Variants in DYSF observed in about 807,000 individuals in gnomAD.
The protein encoded by DYSF is dystrophy-associated fer-1-like 1.
A neutral mutation model predicts 274.9 loss-of-function variants in DYSF; 212 were observed. That is an observed-to-expected ratio of 0.77 (90% CI 0.69 to 0.86). The LOEUF is 0.86. Ranked by LOEUF, DYSF falls within the 40% of genes least tolerant of loss-of-function variation. The pLI, the probability that DYSF is intolerant of heterozygous loss-of-function variation, is 0.00. For synonymous variants in DYSF, 1,091 were observed against 1,078.7 expected, an observed-to-expected ratio of 1.01 and a Z score of -0.22; for missense variants, 2,666 against 2,783.2, an observed-to-expected ratio of 0.96 and a Z score of 0.95.
intron 4 of DYSF, among the ~76,000 whole-genome samples, chr2:71,511,099 G>A (rs532559288): frequency 5.6e-4 from 86 of 152,234 alleles, no homozygotes; most frequent in African/African-American, 1.8e-3. Flanking sequence ...AGGTTGTGCC[G>A]TTCCCAGGTT....
chr2:71,493,869 A>AG (rs2084116281), intron 3 of DYSF, among the ~76,000 whole-genome samples: 1 of 150,352 alleles, frequency 6.7e-6, no homozygotes, highest in South Asian at 2.1e-4. Flanking sequence ...AAAAAAAAAA[A>AG]AAAAAGAAAG....
intron 16 of DYSF, among the ~76,000 whole-genome samples, chr2:71,538,063 G>C (rs762373875): frequency 5.9e-5 from 9 of 152,202 alleles, no homozygotes; most frequent in Non-Finnish European, 1.2e-4. Flanking sequence ...TGGTCTCCAC[G>C]TCAGCATATC....
intron 50 of DYSF, 93 bp from the exon 51 acceptor site, chr2:71,669,512 A>G (rs922066632): frequency 2.0e-6 from 3 of 1,501,646 alleles, no homozygotes; most frequent in Non-Finnish European, 2.8e-6. Flanking sequence ...AAGCTCATTT[A>G]CCTTCTTAAC....
At chr2:71,623,797 G>C (rs975059878) in intron 41 of DYSF, among the ~76,000 whole-genome samples, 31 of 152,198 alleles carry the variant, frequency 2.0e-4, no homozygotes, top group African/African-American at 5.3e-4. Flanking sequence ...CAAGCCAGGT[G>C]TGGTGGCTCT....
intron 1 of DYSF, among the ~76,000 whole-genome samples, 173 bp from the exon 2 acceptor site, chr2:71,480,710 T>C (rs1418854580): frequency 6.6e-6 from 1 of 152,174 alleles, no homozygotes; most frequent in African/African-American, 2.4e-5. Flanking sequence ...GGAAGTTGTG[T>C]GATTGGCATT....
intron 29 of DYSF, among the ~76,000 whole-genome samples, chr2:71,571,183 GCACA>G (rs548977074): frequency 3.2e-5 from 4 of 123,792 alleles, no homozygotes; most frequent in Non-Finnish European, 5.1e-5. Context: ...ATCACACCCA[GCACA>G]CACACACAGA....
Position 71,655,203 on chromosome 2 carries a change from A to G in DYSF, c.4627-959A>G, listed in dbSNP as rs1216521913. On this transcript the variant is annotated intron_variant, in intron 42 of 55. Coordinates refer to ENST00000410020, the MANE Select transcript of DYSF (RefSeq NM_001130987.2). ...AAATATTCAAAAGGACATATACCAAATGCTGATCAAATAACTAGTTATTTT... is the reference window on the plus strand; with the variant it reads ...AAATATTCAAAAGGACATATACCAAGTGCTGATCAAATAACTAGTTATTTT... Among the ~76,000 whole-genome samples the G allele has an allele frequency of 6.6e-5, 10 of 152,142 alleles. No individual in the cohort carries two copies. In the East Asian group the frequency reaches 1.7e-3, roughly 26 times the overall value.
At chr2:71,618,442 TG>T (rs2093986971) in intron 40 of DYSF, among the ~76,000 whole-genome samples, 1 of 116,216 alleles carries the variant, frequency 8.6e-6, no homozygotes, top group Admixed American at 9.6e-5. Context: ...GGGGTGTGTG[TG>T]GTAGAGGTGG....
At chr2:71,654,288 G>T (rs902635468) in intron 42 of DYSF, among the ~76,000 whole-genome samples, 8 of 152,324 alleles carry the variant, frequency 5.3e-5, no homozygotes, top group African/African-American at 1.9e-4. Context: ...GGGCACACTT[G>T]AACACTGTAG....
chr2:71,497,397 T>C (rs574043249), intron 3 of DYSF, among the ~76,000 whole-genome samples: 1 of 152,310 alleles, frequency 6.6e-6, no homozygotes, highest in African/African-American at 2.4e-5. Context: ...AATTGAATCA[T>C]GGGGACAGTT....
At chr2:71,618,891 C>T (rs1163878178) in intron 40 of DYSF, among the ~76,000 whole-genome samples, 1 of 151,346 alleles carries the variant, frequency 6.6e-6, no homozygotes, top group Non-Finnish European at 1.5e-5. Context: ...TGGGGCTGGC[C>T]GGCTCTGGGA....
At chr2:71,577,268 A>G (rs572230131) in intron 30 of DYSF, 2 of 152,876 alleles carry the variant, frequency 1.3e-5, no homozygotes, top group African/African-American at 4.9e-5. Flanking sequence ...CAACACACAC[A>G]CTCTTTCCAC....
At chr2:71,468,135 C>G (rs2081671350) in intron 1 of DYSF, among the ~76,000 whole-genome samples, 1 of 152,194 alleles carries the variant, frequency 6.6e-6, no homozygotes, top group South Asian at 2.1e-4. Flanking sequence ...TATGCAAGAG[C>G]AACTTCAAGA....
rs2152924810 is a variant in DYSF, at chr2:71,644,123, A to G, written c.4626+60A>G. On this transcript the variant is annotated intron_variant, in intron 42 of 55. Coordinates refer to ENST00000410020, the MANE Select transcript of DYSF (RefSeq NM_001130987.2). ...GTGTGCGTACTGGGCAGTGGGAGAC[A>G]CAACAGAAAGAGAGCTCATGCAGTA... 27 of 1,385,174 alleles carry G rather than the reference A, an allele frequency of 1.9e-5. 1 individual carries two copies. The South Asian group carries it at 2.9e-4, about 15-fold the overall frequency. 85.8% of individuals were successfully genotyped at this position (1,385,174 alleles called of 1,614,324 possible).
rs1196588766 is a variant in DYSF, at chr2:71,658,864, T to G, written c.4756-14T>G. On this transcript the variant is annotated splice_polypyrimidine_tract_variant and intron_variant, in intron 43 of 55. Coordinates refer to ENST00000410020, the MANE Select transcript of DYSF (RefSeq NM_001130987.2). ...TGATGATAAAAATGAAAATTAACCC[T>G]TCCTTCTTTTCAGGGCCTCTTCAAA... is the stretch of plus-strand genomic sequence containing the variant. 9 of 1,614,030 alleles carry G rather than the reference T, an allele frequency of 5.6e-6. No individual in the cohort carries two copies. Among genetic ancestry groups the G allele is most frequent in the Non-Finnish European group, 6.8e-6 (8 of 1,179,984 alleles).
intron 42 of DYSF, among the ~76,000 whole-genome samples, chr2:71,645,665 T>C (rs2094556363): frequency 6.6e-6 from 1 of 151,734 alleles, no homozygotes; most frequent in South Asian, 2.1e-4. Flanking sequence ...GCCCGGGGGA[T>C]GAAGCCCTCG....
intron 30 of DYSF, among the ~76,000 whole-genome samples, chr2:71,589,157 A>T (rs2093169833): frequency 6.6e-6 from 1 of 152,034 alleles, no homozygotes; most frequent in South Asian, 2.1e-4. Flanking sequence ...CTTCCTCCAG[A>T]GCTTGGGACC....
At chr2:71,488,768 G>C (rs1004349973) in intron 3 of DYSF, among the ~76,000 whole-genome samples, 3 of 152,102 alleles carry the variant, frequency 2.0e-5, no homozygotes, top group Non-Finnish European at 4.4e-5. Context: ...GGAATAGTGT[G>C]ATCTACTCTG....
chr2:71,641,443 T>G (rs940347695), intron 41 of DYSF, among the ~76,000 whole-genome samples: 1 of 152,146 alleles, frequency 6.6e-6, no homozygotes, highest in African/African-American at 2.4e-5. Context: ...CCTCCCAAAG[T>G]GCTGGGATAA....
Sources: allele counts gnomAD v4.1 joint callset (sites outside exome capture counted in the v4.1 genomes callset), GRCh38; gene constraint gnomAD v4.1.1; transcripts MANE v1.5; gene names NCBI Gene and HGNC (gene_info 2026-07-23, HGNC 2026-07-21).